Variants in GRM8 observed in about 807,000 individuals in gnomAD.
The protein encoded by GRM8 is metabotropic glutamate receptor 8.
Under a neutral mutation model 87.2 loss-of-function variants are expected in GRM8, and 47 were observed. The ratio of observed to expected loss-of-function variants is 0.54; its 90% CI spans 0.43 to 0.69. The LOEUF is 0.69. Ranked by LOEUF, GRM8 falls within the 30% of genes least tolerant of loss-of-function variation. The pLI, the probability that GRM8 is intolerant of heterozygous loss-of-function variation, is 0.00. For synonymous variants in GRM8, 396 were observed against 404.5 expected (o/e 0.98, Z 0.25); for missense variants, 1,019 against 1,139.2 (o/e 0.89, Z 1.52).
At chr7:127,177,677 C>G (rs1183377951) in intron 2 of GRM8, among the ~76,000 whole-genome samples, 5 of 152,228 alleles carry the variant, frequency 3.3e-5, no homozygotes, top group Non-Finnish European at 5.9e-5. Context: ...TCACAGGGCT[C>G]TGTGCAGACA....
At chr7:126,600,811 T>C (rs1203875088) in intron 8 of GRM8, among the ~76,000 whole-genome samples, 2 of 152,198 alleles carry the variant, frequency 1.3e-5, no homozygotes, top group Non-Finnish European at 2.9e-5. Flanking sequence ...AAATGACTTT[T>C]TGAAAGAATA....
chr7:126,934,498 A>G (rs1463587025), intron 3 of GRM8, among the ~76,000 whole-genome samples: 1 of 152,234 alleles, frequency 6.6e-6, no homozygotes, highest in Non-Finnish European at 1.5e-5. Context: ...GACTGGCAAT[A>G]TTAAAGTCAA....
chr7:126,888,880 C>T (rs1800736916), intron 6 of GRM8, among the ~76,000 whole-genome samples: 1 of 152,076 alleles, frequency 6.6e-6, no homozygotes. Flanking sequence ...TGAAAATCTA[C>T]AATTCTAACC....
intron 7 of GRM8, among the ~76,000 whole-genome samples, chr7:126,611,902 T>C (rs912094887): frequency 2.0e-5 from 3 of 152,214 alleles, no homozygotes; most frequent in Non-Finnish European, 2.9e-5. Context: ...TTAGATACTT[T>C]GAATATCATT....
chr7:127,155,307 G>A (rs866059483), intron 2 of GRM8, among the ~76,000 whole-genome samples: 2 of 152,138 alleles, frequency 1.3e-5, no homozygotes, highest in Non-Finnish European at 2.9e-5. Flanking sequence ...AGCATTTCTG[G>A]TGCTTTTATA....
At chr7:127,057,336 A>C (rs1820097432) in intron 3 of GRM8, among the ~76,000 whole-genome samples, 1 of 152,208 alleles carries the variant, frequency 6.6e-6, no homozygotes. Context: ...CTGGATTTCA[A>C]GTTCATGAGT....
chr7:127,158,705 C>T (rs1048623219), intron 2 of GRM8, among the ~76,000 whole-genome samples: 1 of 152,072 alleles, frequency 6.6e-6, no homozygotes, highest in African/African-American at 2.4e-5. Context: ...AATCACTTCC[C>T]AAAGGCCCCG....
At chr7:126,470,849 C>T (rs953323541) in intron 9 of GRM8, among the ~76,000 whole-genome samples, 1 of 152,132 alleles carries the variant, frequency 6.6e-6, no homozygotes, top group African/African-American at 2.4e-5. Context: ...CTCTCCAGCA[C>T]CTGCTGTTTC....
In GRM8 at chr7:126,601,442, T is replaced by C. The variant is rs1797753906; in HGVS notation, c.1494+7920A>G. Among the ~76,000 whole-genome samples, 4 of 152,194 alleles carry C rather than the reference T, an allele frequency of 2.6e-5. 1 individual carries two copies. Among genetic ancestry groups the C allele is most frequent in the Admixed American group, 2.6e-4 (4 of 15,280 alleles). On this transcript the variant is annotated intron_variant, in intron 8 of 10. Transcript: ENST00000339582. ...CATGATTTATAGTCATTTGGGTATA[T>C]ACCCAGTAATGGGATGGCTGGGTCA... is the stretch of plus-strand genomic sequence containing the variant.
At chr7:127,228,633 G>A (rs921195380) in intron 2 of GRM8, 2 of 151,970 alleles carry the variant, frequency 1.3e-5, no homozygotes, top group Non-Finnish European at 2.9e-5. Context: ...ATGATTCCAG[G>A]CATTTGGAGA....
intron 8 of GRM8, among the ~76,000 whole-genome samples, chr7:126,593,808 G>C (rs1161458270): frequency 6.6e-6 from 1 of 151,986 alleles, no homozygotes; most frequent in African/African-American, 2.4e-5. Context: ...AGAGTGAAGA[G>C]ACATCCTACA....
chr7:126,887,979 G>A (rs1026470891), intron 6 of GRM8, among the ~76,000 whole-genome samples: 4 of 152,154 alleles, frequency 2.6e-5, no homozygotes, highest in Admixed American at 2.6e-4. Flanking sequence ...CAAGGAGGCT[G>A]TCCATGTATT....
chr7:126,506,656 G>A (rs568660072), intron 9 of GRM8, among the ~76,000 whole-genome samples: 1 of 152,006 alleles, frequency 6.6e-6, no homozygotes, highest in South Asian at 2.1e-4. Context: ...GTGCGCACCT[G>A]TAACCCCAGC....
At chr7:127,179,050 C>T (rs1420986699) in intron 2 of GRM8, among the ~76,000 whole-genome samples, 1 of 152,164 alleles carries the variant, frequency 6.6e-6, no homozygotes, top group Non-Finnish European at 1.5e-5. Context: ...AAATGTTCCA[C>T]TTAAAAGATA....
intron 3 of GRM8, among the ~76,000 whole-genome samples, chr7:126,974,133 G>C (rs570001327): frequency 6.6e-6 from 1 of 152,052 alleles, no homozygotes; most frequent in East Asian, 1.9e-4. Flanking sequence ...ATATGTATAC[G>C]GTGTAATAAA....
intron 3 of GRM8, among the ~76,000 whole-genome samples, chr7:127,049,350 A>AT (rs1819240265): frequency 1.3e-5 from 2 of 152,230 alleles, no homozygotes; most frequent in Admixed American, 1.3e-4. Context: ...GTTAAACAAC[A>AT]TAAAAGAAAG....
intron 3 of GRM8, among the ~76,000 whole-genome samples, chr7:127,092,839 ACCACCATCT>A (rs1182779840): frequency 6.6e-6 from 1 of 152,170 alleles, no homozygotes; most frequent in African/African-American, 2.4e-5. Flanking sequence ...CCTCACCAAC[ACCACCATCT>A]CTGATCTGTG....
At chr7:127,222,730 C>T (rs1043206902) in intron 2 of GRM8, among the ~76,000 whole-genome samples, 3 of 152,106 alleles carry the variant, frequency 2.0e-5, no homozygotes, top group Non-Finnish European at 4.4e-5. Flanking sequence ...AGAAATATGT[C>T]CCTTCTAATC....
chr7:126,796,845 TGG>T (rs1822004676), intron 6 of GRM8, among the ~76,000 whole-genome samples: 1 of 152,078 alleles, frequency 6.6e-6, no homozygotes, highest in East Asian at 1.9e-4. Context: ...GAGGACCCAC[TGG>T]GGCTTGTCTC....
Sources: gnomAD v4.1 joint callset for allele counts (sites outside exome capture counted in the v4.1 genomes callset) on GRCh38, gnomAD v4.1.1 for gene constraint, MANE v1.5 for transcripts, NCBI Gene and HGNC (gene_info 2026-07-23, HGNC 2026-07-21) for gene names.